The following UMODL1 variants were observed in gnomAD, a reference collection of about 807,000 sequenced individuals.
UMODL1 encodes the protein uromodulin-like 1.
UMODL1 carries 128 observed loss-of-function variants against 136.3 expected under a neutral mutation model. The observed-to-expected ratio is 0.94, with a 90% CI of 0.81 to 1.09. The LOEUF (loss-of-function observed/expected upper bound fraction) is 1.09. Ranked by LOEUF, UMODL1 falls within the 50% of genes least tolerant of loss-of-function variation. The pLI is 0.00. For synonymous variants in UMODL1, 721 were observed against 720.0 expected, an observed-to-expected ratio of 1.00 and a Z score of -0.02; for missense variants, 1,766 against 1,725.6, an observed-to-expected ratio of 1.02 and a Z score of -0.41.
At chr21:42,133,494 A>C (rs1446023433) in intron 21 of UMODL1, among the ~76,000 whole-genome samples, 2 of 152,180 alleles carry the variant, frequency 1.3e-5, no homozygotes, top group African/African-American at 4.8e-5. Flanking sequence ...CAGCCCTCAC[A>C]TCACACTCAC....
rs220178 is a variant in UMODL1 at position 42,137,626 on chromosome 21, G to A, written c.*6G>A. 0.46 allele frequency: 595,854 copies of A among 1,293,644 alleles called. 114,111 individuals are homozygous for A. The highest frequency in any genetic ancestry group is 0.63 in the East Asian group (23,765 of 37,738). The allele number at this position is 1,293,644 out of a possible 1,614,324, so 80.1% of individuals were successfully genotyped here. ...ACCAGGTGTTCTACGAATAGGAGGC[G>A]CAGGCTGACAGGAAGGTGGGTGCGG... On this transcript the variant is annotated 3_prime_UTR_variant, in exon 22 of 23. Coordinates refer to ENST00000408910, the MANE Select transcript of UMODL1 (RefSeq NM_001004416.3).
At chr21:42,095,460 TTGTGTG>T (rs374448014) in intron 6 of UMODL1, among the ~76,000 whole-genome samples, 16 of 146,950 alleles carry the variant, frequency 1.1e-4, no homozygotes, top group African/African-American at 4.0e-4. Flanking sequence ...GCCTTCTCCT[TTGTGTG>T]TGTGTGTGTG....
At chr21:42,075,908 C>G (rs220285) in intron 1 of UMODL1, 97 bp from the exon 2 acceptor site, 917,951 of 1,544,070 alleles carry the variant, frequency 0.59, 279,276 homozygotes, top group Non-Finnish European at 0.63. Context: ...GGGAGGTGTG[C>G]TCTCACTTGC....
rs773848599 is a variant in UMODL1 at position 42,071,362 on chromosome 21, G to A, written c.46G>A (p.Val16Met). 3 of 1,596,896 alleles carry A rather than the reference G, an allele frequency of 1.9e-6. No individual in the cohort carries two copies. Among genetic ancestry groups the A allele is most frequent in the Non-Finnish European group, 2.6e-6 (3 of 1,172,136 alleles). Residue 16 changes from valine (V) to methionine (M), a missense_variant, in exon 1 of 23, where the codon GTG becomes ATG. Val to Met is a conservative substitution (Grantham distance 21). Transcript: ENST00000408910. ...GGCACTGCTGGCTCTGGTCAGTGCT[G>A]TGGGCCCAAGCCAGGCCAGCGGCTT... ...GLALLALVSAVGPSQASGFTE... is the reference protein window; with the variant it reads ...GLALLALVSAMGPSQASGFTE...
chr21:42,118,994 A>T, intron 14 of UMODL1, 117 bp from the exon 15 acceptor site: 1 of 1,024,566 alleles, frequency 9.8e-7, no homozygotes, highest in South Asian at 1.6e-5. Context: ...TGTGGCTTTT[A>T]CTTTGTGCCA....
At chr21:42,126,291 G>T in intron 17 of UMODL1, 54 bp from the exon 18 acceptor site, 1 of 1,608,308 alleles carries the variant, frequency 6.2e-7, no homozygotes, top group East Asian at 2.2e-5. Context: ...CCACAGCAGG[G>T]CGTGGGGGGC....
chr21:42,066,629 C>G (rs1022369176), upstream of UMODL1, among the ~76,000 whole-genome samples: 3 of 152,182 alleles, frequency 2.0e-5, no homozygotes, highest in Non-Finnish European at 4.4e-5. Flanking sequence ...AAAACCACCT[C>G]CTGTCATGAA....
chr21:42,137,045 T>C (rs2067213999), intron 21 of UMODL1, among the ~76,000 whole-genome samples: 1 of 152,198 alleles, frequency 6.6e-6, no homozygotes, highest in African/African-American at 2.4e-5. Flanking sequence ...CGTCAGCCAC[T>C]GCGCCCAGCC....
chr21:42,122,837 C>T lies in UMODL1; in HGVS notation c.2834C>T (p.Ser945Phe). 6.3e-7 allele frequency: 1 copy of T among 1,595,742 alleles called. No homozygotes were observed. The highest frequency in any genetic ancestry group is 8.6e-7 in the Non-Finnish European group (1 of 1,168,354). The change falls in exon 17 of 23, where the codon TCT becomes TTT. Residue 945 changes from serine (S) to phenylalanine (F), a missense_variant. Transcript: ENST00000408910. The surrounding 1 kb of genome is among the most constrained non-coding windows in gnomAD (Gnocchi z 4.3). Reference protein sequence around the residue: ...EYSERPCEGDSPGNETWATSP... With the variant: ...EYSERPCEGDFPGNETWATSP... Reference sequence around the variant, plus strand: ...TCCTCCTTGTGCCTTGCAGGTGACTCTCCTGGCAATGAAACCTGGGCCACC... The same window carrying T: ...TCCTCCTTGTGCCTTGCAGGTGACTTTCCTGGCAATGAAACCTGGGCCACC...
chr21:42,073,536 G>A (rs576722752), intron 1 of UMODL1, among the ~76,000 whole-genome samples: 2 of 152,208 alleles, frequency 1.3e-5, no homozygotes, highest in Non-Finnish European at 2.9e-5. Context: ...AGTCCCTGTT[G>A]CTTGTGGAGT....
upstream of UMODL1, among the ~76,000 whole-genome samples, chr21:42,067,258 A>T (rs1292481745): frequency 6.6e-6 from 1 of 152,106 alleles, no homozygotes; most frequent in East Asian, 1.9e-4. Flanking sequence ...GGCATGAGCC[A>T]TTGTGCCTGG....
chr21:42,140,375 G>T (rs1445935479), intron 22 of UMODL1, among the ~76,000 whole-genome samples: 5 of 150,912 alleles, frequency 3.3e-5, no homozygotes, highest in African/African-American at 1.2e-4. Flanking sequence ...AGGAGGTCCA[G>T]GGCAGGAAGG....
chr21:42,104,405 T>G (rs867655261), intron 9 of UMODL1, among the ~76,000 whole-genome samples: 8 of 151,882 alleles, frequency 5.3e-5, no homozygotes, highest in Non-Finnish European at 1.2e-4. Context: ...CACCTGTGGG[T>G]CTATTTCTTT....
At chr21:42,096,507 C>T (rs1004979396) in intron 6 of UMODL1, among the ~76,000 whole-genome samples, 1 of 152,208 alleles carries the variant, frequency 6.6e-6, no homozygotes, top group African/African-American at 2.4e-5. Context: ...CACCATTCCT[C>T]TGCGTTCTTT....
chr21:42,121,760 G>A (rs1285361141), intron 16 of UMODL1, among the ~76,000 whole-genome samples: 1 of 152,184 alleles, frequency 6.6e-6, no homozygotes, highest in Non-Finnish European at 1.5e-5. Context: ...GCTATAGAAC[G>A]TGTCCTGCTT....
At chr21:42,084,334 GT>G in intron 3 of UMODL1, 89 bp downstream of exon 3, 1 of 1,428,698 alleles carries the variant, frequency 7.0e-7, no homozygotes, top group South Asian at 1.4e-5. Flanking sequence ...GGGGGAGTGT[GT>G]TTCTAGGAGC....
chr21:42,095,087 C>CTTTTTTTTTTTTTT (rs1569151178), intron 6 of UMODL1, among the ~76,000 whole-genome samples: 2 of 34,046 alleles, frequency 5.9e-5, no homozygotes, highest in African/African-American at 7.5e-5. Flanking sequence ...TTTTCTTCTG[C>CTTTTTTTTTTTTTT]TGTTTTTTTT....
intron 10 of UMODL1, among the ~76,000 whole-genome samples, chr21:42,110,519 C>T (rs2066805896): frequency 6.6e-6 from 1 of 152,218 alleles, no homozygotes; most frequent in Admixed American, 6.5e-5. Context: ...CCACATTGAG[C>T]ACAAATCTGG....
intron 22 of UMODL1, among the ~76,000 whole-genome samples, chr21:42,140,489 C>T (rs946875399): frequency 5.3e-5 from 8 of 151,828 alleles, no homozygotes; most frequent in Non-Finnish European, 1.2e-4. Flanking sequence ...ATGGGATTTC[C>T]GTTTGGCTCT....
Sources: gnomAD v4.1 joint callset for allele counts (sites outside exome capture counted in the v4.1 genomes callset) on GRCh38, gnomAD v4.1.1 for gene constraint, Gnocchi (gnomAD v3.1) non-coding constraint, MANE v1.5 for transcripts, NCBI Gene and HGNC (gene_info 2026-07-23, HGNC 2026-07-21) for gene names.